Variants in PPEF2 observed in about 807,000 individuals in gnomAD.
PPEF2 encodes protein phosphatase with EF-hand domain 2.
PPEF2 carries 84 observed loss-of-function variants against 84.7 expected under a neutral mutation model. The observed-to-expected ratio is 0.99, with a 90% CI of 0.83 to 1.19. The LOEUF (loss-of-function observed/expected upper bound fraction) is 1.19, where lower values mean the gene tolerates loss of function less well. Among genes scored for constraint, PPEF2 ranks in the 50% most tolerant of loss-of-function variants. PPEF2 has a pLI of 0.00. For missense variants in PPEF2, 924 were observed against 937.5 expected, an observed-to-expected ratio of 0.99 and a Z score of 0.19; for synonymous variants, 346 against 345.2, an observed-to-expected ratio of 1.00 and a Z score of -0.03.
chr4:75,896,516 C>T (rs1264856602), intron 1 of PPEF2, 133 bp from the exon 2 acceptor site: 5 of 627,788 alleles, frequency 8.0e-6, no homozygotes, highest in Non-Finnish European at 1.4e-5. Context: ...ATGTTCCTCC[C>T]CTGAGAGTTC....
chr4:75,894,203 C>T (rs527305448), intron 2 of PPEF2, among the ~76,000 whole-genome samples: 8 of 151,964 alleles, frequency 5.3e-5, no homozygotes, highest in African/African-American at 1.9e-4. Context: ...TGATGGTTAC[C>T]CTCTTATTTT....
chr4:75,896,036 G>A (rs1264443444), intron 2 of PPEF2, among the ~76,000 whole-genome samples: 1 of 152,096 alleles, frequency 6.6e-6, no homozygotes, highest in African/African-American at 2.4e-5. Context: ...TGGGTAGTTT[G>A]GGATCAACCC....
intron 13 of PPEF2, among the ~76,000 whole-genome samples, chr4:75,870,878 CATTTATTTATTT>C (rs33975459): frequency 6.8e-6 from 1 of 146,594 alleles, no homozygotes; most frequent in Non-Finnish European, 1.5e-5. Context: ...CAAAAGCTAC[CATTTATTTATTT>C]ATTTATTTAT....
intron 11 of PPEF2, 116 bp downstream of exon 11, chr4:75,876,171 T>G: frequency 8.4e-7 from 1 of 1,186,698 alleles, no homozygotes; most frequent in Non-Finnish European, 1.1e-6. Context: ...TTCTGGGGTG[T>G]TGTTACCCCA....
At chr4:75,869,707 G>C (rs1201986857) in intron 13 of PPEF2, among the ~76,000 whole-genome samples, 16 of 152,092 alleles carry the variant, frequency 1.1e-4, no homozygotes, top group Non-Finnish European at 2.9e-5. Flanking sequence ...AATTAGCTGG[G>C]CATGATGGCG....
In PPEF2 at chr4:75,884,610, G is replaced by A. The variant is rs201866424; in HGVS notation, c.730C>T (p.His244Tyr). 7.3e-5 allele frequency: 117 copies of A among 1,603,602 alleles called. No homozygotes were observed. Among genetic ancestry groups the A allele is most frequent in the African/African-American group, 3.5e-4 (26 of 74,302 alleles). Reference protein sequence around the residue: ...FHLNRGNHEDHMVNLRYGFTK... With the variant: ...FHLNRGNHEDYMVNLRYGFTK... ...GACTTGTACCGTAAGTTCACCATAT[G>A]GTCCTCATGGTTTCCTCTGTTAAGA... Residue 244 changes from histidine (H) to tyrosine (Y), a missense_variant, in exon 8 of 17, where the codon CAT (histidine) becomes TAT (tyrosine). By Grantham distance (83) the His-to-Tyr change is moderately conservative. Transcript: ENST00000286719.
intron 7 of PPEF2, among the ~76,000 whole-genome samples, chr4:75,885,576 T>C (rs903657067): frequency 3.9e-5 from 6 of 152,224 alleles, no homozygotes; most frequent in Admixed American, 1.3e-4. Context: ...TTAAAAATAA[T>C]ATCTTAGGCT....
chr4:75,876,173 G>C (rs1271884595), intron 11 of PPEF2, 114 bp downstream of exon 11: 1 of 1,192,912 alleles, frequency 8.4e-7, no homozygotes, highest in Non-Finnish European at 1.1e-6. Context: ...CTGGGGTGTT[G>C]TTACCCCAGA....
chr4:75,883,347 A>G (rs533969019), intron 8 of PPEF2, 145 bp from the exon 9 acceptor site: 2 of 702,196 alleles, frequency 2.8e-6, no homozygotes, highest in South Asian at 1.8e-5. Context: ...CAAAATGTTT[A>G]AAACTATGTC....
chr4:75,883,221 ATAGATAT>A lies in PPEF2; in HGVS notation c.747-26_747-20del. The A allele has an allele frequency of 3.7e-6, 6 of 1,607,824 alleles. No homozygotes were observed. Among genetic ancestry groups the A allele is most frequent in the East Asian group, 2.2e-5 (1 of 44,836 alleles). On this transcript the variant is annotated intron_variant, in intron 8 of 16. Transcript: ENST00000286719. ...GCCATATCTAGATTTAGAAGCACAA[ATAGATAT>A]TAGAGTAAACTGGGTGACAATAATC...
rs753071560 is a variant in PPEF2 at position 75,860,872 on chromosome 4, G to T, written c.2057C>A (p.Ser686Tyr). 96 of 1,614,096 alleles carry T rather than the reference G, an allele frequency of 5.9e-5. No individual in the cohort carries two copies. The Middle Eastern group carries it at 3.3e-3, about 55-fold the overall frequency. Reference sequence around the variant, plus strand: ...ATCTGTAATGTCGATATTCATGTGAGAGCTGAACAGCTTCCAGGTCTGCCT... The same window carrying T: ...ATCTGTAATGTCGATATTCATGTGATAGCTGAACAGCTTCCAGGTCTGCCT... ...EFRQTWKLFS[S>Y]HMNIDITDDC... The change falls in exon 17 of 17, where the codon TCT (serine) becomes TAT (tyrosine). Residue 686 changes from serine (S) to tyrosine (Y), a missense_variant. Physicochemically the swap from Ser to Tyr is moderately radical, Grantham distance 144 (BLOSUM62 -2). Transcript: ENST00000286719.
rs926341565 is a variant in PPEF2, at chr4:75,860,005, T to A, written c.*662A>T. 3 of 152,316 alleles carry A rather than the reference T, an allele frequency of 2.0e-5. No homozygotes were observed. Among genetic ancestry groups the A allele is most frequent in the African/African-American group, 4.8e-5 (2 of 41,580 alleles). 9.4% of individuals were successfully genotyped at this position (152,316 alleles called of 1,614,324 possible). On this transcript the variant is annotated 3_prime_UTR_variant, in exon 17 of 17. Coordinates refer to ENST00000286719, the MANE Select transcript of PPEF2 (RefSeq NM_006239.3). ...GGTCATGGAATTACAATACAATTTT[T>A]AAAAATAACTTTCCTTTACCAATAG...
Position 75,891,901 on chromosome 4 carries a change from AG to A in PPEF2, c.132del (p.Trp45GlyfsTer7). On this transcript the variant is annotated frameshift_variant, in exon 3 of 17. Transcript: ENST00000286719. LOFTEE classifies it high-confidence loss of function. ...VARLEMRRRC[T>X]WSIFQSIEYA... ...TATTCTATAGACTGGAAGATGCTCCAGGTGCAACGCCGCCTCATCTCCAGGC... is the reference window on the plus strand; with the variant it reads ...TATTCTATAGACTGGAAGATGCTCCAGTGCAACGCCGCCTCATCTCCAGGC... 1.2e-6 allele frequency: 2 copies of A among 1,614,146 alleles called. No homozygotes were observed. The highest frequency in any genetic ancestry group is 1.7e-6 in the Non-Finnish European group (2 of 1,180,004).
rs775725318 is a variant in PPEF2 at position 75,891,689 on chromosome 4, C to T, written c.200G>A (p.Ser67Asn). The change falls in exon 4 of 17, where the codon AGC becomes AAC. Residue 67 changes from serine to asparagine, a missense_variant. Ser to Asn is a conservative substitution (Grantham distance 46). Coordinates refer to ENST00000286719, the MANE Select transcript of PPEF2 (RefSeq NM_006239.3). ...QDQVKLHDFF[S>N]YLMDHFIPSS... ...GGGGATGAAGTGATCCATGAGATAGCTGAAGAAGTCATGGAGCTGCAGAAG... is the reference window on the plus strand; with the variant it reads ...GGGGATGAAGTGATCCATGAGATAGTTGAAGAAGTCATGGAGCTGCAGAAG... 23 of 1,611,844 alleles carry T rather than the reference C, an allele frequency of 1.4e-5. No individual in the cohort carries two copies. Among genetic ancestry groups the T allele is most frequent in the Admixed American group, 3.4e-5 (2 of 59,550 alleles).
At chr4:75,897,354 A>C (rs1402058548) in intron 1 of PPEF2, among the ~76,000 whole-genome samples, 1 of 152,028 alleles carries the variant, frequency 6.6e-6, no homozygotes, top group Non-Finnish European at 1.5e-5. Flanking sequence ...TGGCTGGTTT[A>C]ATTAACTCTC....
chr4:75,889,459 G>C (rs1223150041), intron 5 of PPEF2, among the ~76,000 whole-genome samples: 1 of 152,114 alleles, frequency 6.6e-6, no homozygotes, highest in Non-Finnish European at 1.5e-5. Context: ...CACCACCTTA[G>C]ATCTTTGCTC....
At chr4:75,866,139 G>T in intron 15 of PPEF2, 50 bp downstream of exon 15, 1 of 1,509,122 alleles carries the variant, frequency 6.6e-7, no homozygotes. Flanking sequence ...TTCTCTCTAA[G>T]GAGTATCATA....
chr4:75,893,487 GACAC>G (rs10624574), intron 2 of PPEF2, among the ~76,000 whole-genome samples: 5 of 148,934 alleles, frequency 3.4e-5, no homozygotes, highest in African/African-American at 1.0e-4. Flanking sequence ...TAGAGACTCT[GACAC>G]ACACACACAC....
At chr4:75,896,139 C>T in intron 2 of PPEF2, 132 bp downstream of exon 2, 1 of 931,380 alleles carries the variant, frequency 1.1e-6, no homozygotes, top group Non-Finnish European at 1.7e-6. Context: ...GGAGGAGAAG[C>T]TGACCTCTAA....
Sources: allele counts gnomAD v4.1 joint callset (sites outside exome capture counted in the v4.1 genomes callset), GRCh38; gene constraint gnomAD v4.1.1; transcripts MANE v1.5; gene names NCBI Gene and HGNC (gene_info 2026-07-23, HGNC 2026-07-21).